The following FAM227B variants were observed in gnomAD, a reference collection of about 807,000 sequenced individuals.
FAM227B encodes family with sequence similarity 227 member B.
Under a neutral mutation model 73.8 loss-of-function variants are expected in FAM227B, and 88 were observed. That is an observed-to-expected ratio of 1.19 (90% CI 1.00 to 1.42). The LOEUF is 1.42. FAM227B is among the 40% of genes most tolerant of loss of function. The pLI is 0.00. For synonymous variants in FAM227B, 210 were observed against 190.5 expected (o/e 1.10, Z -0.84); for missense variants, 632 against 590.9 (o/e 1.07, Z -0.72).
At chr15:49,438,475 G>T (rs1008651854) in intron 11 of FAM227B, among the ~76,000 whole-genome samples, 7 of 151,722 alleles carry the variant, frequency 4.6e-5, no homozygotes, top group African/African-American at 1.7e-4. Context: ...AAGAGAAAAG[G>T]GAGAAAAGTA....
chr15:49,501,944 A>G (rs2058172401), intron 11 of FAM227B, among the ~76,000 whole-genome samples: 2 of 152,236 alleles, frequency 1.3e-5, no homozygotes, highest in African/African-American at 4.8e-5. Flanking sequence ...AGGTCCAGGT[A>G]CAGCTTGAGC....
Position 49,615,252 on chromosome 15 carries a change from T to G in FAM227B, c.-72-9A>C. 1 of 1,168,670 alleles carries G rather than the reference T, an allele frequency of 8.6e-7. No individual in the cohort carries two copies. Among genetic ancestry groups the G allele is most frequent in the South Asian group, 1.2e-5 (1 of 82,044 alleles). 72.4% of individuals were successfully genotyped at this position (1,168,670 alleles called of 1,614,324 possible). A position where few individuals can be genotyped will look rare whatever the true frequency, so the allele number is the denominator to read the frequency against. On this transcript the variant is annotated splice_polypyrimidine_tract_variant and intron_variant, in intron 1 of 15. Coordinates refer to ENST00000299338, the MANE Select transcript of FAM227B (RefSeq NM_152647.3). ...TGAGTTGGGCGACCAAACTGGGGTA[T>G]GAAAGACACCCAAATGCAAAAATAA...
chr15:49,575,985 C>T (rs2075415268), intron 7 of FAM227B, among the ~76,000 whole-genome samples: 1 of 152,116 alleles, frequency 6.6e-6, no homozygotes, highest in African/African-American at 2.4e-5. Flanking sequence ...TTAAGTGCAT[C>T]CAGAGGTATG....
intron 11 of FAM227B, among the ~76,000 whole-genome samples, chr15:49,477,070 A>AAG (rs2055405930): frequency 6.6e-6 from 1 of 151,962 alleles, no homozygotes; most frequent in African/African-American, 2.4e-5. Context: ...GAAAAAAAAA[A>AAG]AAAAATTGAG....
intron 11 of FAM227B, among the ~76,000 whole-genome samples, chr15:49,389,861 C>G (rs1172498533): frequency 2.0e-5 from 3 of 151,984 alleles, no homozygotes; most frequent in Non-Finnish European, 4.4e-5. Context: ...ACTGGTAGAA[C>G]CATTTTTACC....
chr15:49,590,492 A>G (rs1009041122), intron 3 of FAM227B, among the ~76,000 whole-genome samples: 1 of 152,172 alleles, frequency 6.6e-6, no homozygotes, highest in African/African-American at 2.4e-5. Context: ...GGGGAAGGGA[A>G]GGGGGAAGAT....
chr15:49,444,436 G>A (rs2051985227), intron 11 of FAM227B, among the ~76,000 whole-genome samples: 1 of 151,718 alleles, frequency 6.6e-6, no homozygotes, highest in South Asian at 2.1e-4. Context: ...TCACATATTT[G>A]CCTTTAAAAA....
intron 11 of FAM227B, among the ~76,000 whole-genome samples, chr15:49,455,383 T>C (rs1275113221): frequency 1.3e-5 from 2 of 152,234 alleles, no homozygotes; most frequent in East Asian, 3.8e-4. Context: ...TCATGATGAA[T>C]ACTGTGTGCA....
intron 11 of FAM227B, among the ~76,000 whole-genome samples, chr15:49,503,338 G>A (rs1429209959): frequency 2.0e-5 from 3 of 152,092 alleles, no homozygotes; most frequent in African/African-American, 4.8e-5. Context: ...GAAAACCTAG[G>A]CAATATCATT....
chr15:49,481,679 GT>G (rs1321004807), intron 11 of FAM227B, among the ~76,000 whole-genome samples: 1 of 152,114 alleles, frequency 6.6e-6, no homozygotes, highest in African/African-American at 2.4e-5. Context: ...AACCAGGGCT[GT>G]TTTTCTTAAT....
At chr15:49,387,395 T>C (rs1172607219) in intron 11 of FAM227B, among the ~76,000 whole-genome samples, 1 of 151,724 alleles carries the variant, frequency 6.6e-6, no homozygotes, top group African/African-American at 2.4e-5. Context: ...ACAAAAACTA[T>C]ATTATTATCC....
chr15:49,524,999 T>C (rs749115781), intron 10 of FAM227B, among the ~76,000 whole-genome samples: 23 of 152,222 alleles, frequency 1.5e-4, no homozygotes, highest in Admixed American at 3.3e-4. Context: ...GGGGCTTGCC[T>C]TGTCTCAGAT....
In FAM227B at chr15:49,476,232, G is replaced by GT; in HGVS notation, c.1012+31978dup. Among the ~76,000 whole-genome samples the GT allele has an allele frequency of 2.5e-3, 145 of 57,444 alleles. 6 individuals carry two copies. Among genetic ancestry groups the GT allele is most frequent in the South Asian group, 0.021 (39 of 1,818 alleles). 37.7% of individuals were successfully genotyped at this position (57,444 alleles called of 152,430 possible). Reference sequence around the variant, plus strand: ...TTGCTGTTTTGTTTTTTTGTTTTTGGTTTTTTTTTTTTTGCATTTGGCATA... The same window carrying GT: ...TTGCTGTTTTGTTTTTTTGTTTTTGGTTTTTTTTTTTTTTGCATTTGGCATA... On this transcript the variant is annotated intron_variant, in intron 11 of 15. Transcript: ENST00000299338.
At chr15:49,424,281 C>T (rs17478047) in intron 11 of FAM227B, 64,927 of 1,599,320 alleles carry the variant, frequency 0.041, 1,595 homozygotes, top group Non-Finnish European at 0.046. Context: ...CATGAACACC[C>T]GGAGCACTAC....
chr15:49,335,129 G>C (rs1182844416), intron 14 of FAM227B, among the ~76,000 whole-genome samples: 1 of 152,106 alleles, frequency 6.6e-6, no homozygotes, highest in African/African-American at 2.4e-5. Context: ...GTAAATGGAC[G>C]ATACTCCAGT....
At chr15:49,573,656 G>A (rs970623493) in intron 8 of FAM227B, among the ~76,000 whole-genome samples, 2 of 152,270 alleles carry the variant, frequency 1.3e-5, no homozygotes, top group Non-Finnish European at 2.9e-5. Context: ...CCACATGCCG[G>A]TCCCTCTATC....
intron 3 of FAM227B, among the ~76,000 whole-genome samples, chr15:49,597,334 C>T (rs771433612): frequency 6.6e-6 from 1 of 151,884 alleles, no homozygotes; most frequent in East Asian, 1.9e-4. Flanking sequence ...TAAAACCATG[C>T]AAATACCTGG....
chr15:49,620,543 G>A (rs937599201), intron 1 of FAM227B, 157 bp downstream of exon 1: 1 of 152,270 alleles, frequency 6.6e-6, no homozygotes, highest in East Asian at 1.9e-4. Flanking sequence ...AGATACAAAT[G>A]ATTTTTCTAA....
At chr15:49,330,836 C>T (rs977712301) in intron 15 of FAM227B, 1 of 152,054 alleles carries the variant, frequency 6.6e-6, no homozygotes. Flanking sequence ...TGCCTGCTGT[C>T]CCAGCTACTC....
Sources: gnomAD v4.1 joint callset for allele counts (sites outside exome capture counted in the v4.1 genomes callset) on GRCh38, gnomAD v4.1.1 for gene constraint, MANE v1.5 for transcripts, NCBI Gene and HGNC (gene_info 2026-07-23, HGNC 2026-07-21) for gene names.